FRMD3: variants seen among roughly 807,000 people sequenced by gnomAD.
FRMD3 encodes FERM domain-containing protein 3.
In FRMD3, 33 loss-of-function variants were observed where a neutral mutation model predicts 70.2. The ratio of observed to expected loss-of-function variants is 0.47; its 90% CI spans 0.36 to 0.63. The LOEUF is 0.63. Among genes scored for constraint, FRMD3 ranks in the 20% least tolerant of loss-of-function variants. The pLI is 0.00. For missense variants in FRMD3, 632 were observed against 711.4 expected (o/e 0.89, Z 1.27); for synonymous variants, 279 against 255.9 (o/e 1.09, Z -0.86).
intron 13 of FRMD3, among the ~76,000 whole-genome samples, chr9:83,263,816 A>G (rs1157891213): frequency 6.6e-6 from 1 of 152,224 alleles, no homozygotes; most frequent in Non-Finnish European, 1.5e-5. Context: ...AAAATAGCCA[A>G]ATGCACAAAT....
In FRMD3 at chr9:83,431,164, C is replaced by A. The variant is rs76486272; in HGVS notation, c.148-41456G>T. Among the ~76,000 whole-genome samples, 1,022 of 152,288 alleles carry A rather than the reference C, an allele frequency of 6.7e-3. 14 individuals are homozygous for A. Among genetic ancestry groups the A allele is most frequent in the African/African-American group, 0.023 (937 of 41,558 alleles). ...TACATTTCCAGCTTCTTGGGAATGT[C>A]CAATAGCGTGGATGTTTGAGAACAT... On this transcript the variant is annotated intron_variant, in intron 1 of 13. Coordinates refer to ENST00000304195, the MANE Select transcript of FRMD3 (RefSeq NM_174938.6).
intron 6 of FRMD3, among the ~76,000 whole-genome samples, chr9:83,324,911 C>T (rs1369960894): frequency 1.3e-5 from 2 of 152,174 alleles, no homozygotes; most frequent in Non-Finnish European, 2.9e-5. Flanking sequence ...GGGCTGGTAC[C>T]AACATCATCA....
intron 9 of FRMD3, 123 bp downstream of exon 9, chr9:83,310,362 C>A (rs1373458571): frequency 5.0e-6 from 4 of 793,082 alleles, no homozygotes; most frequent in Non-Finnish European, 6.3e-6. Context: ...ATATAGCTTT[C>A]ATTATCACCA....
intron 13 of FRMD3, among the ~76,000 whole-genome samples, chr9:83,276,813 G>A (rs557800120): frequency 6.6e-6 from 1 of 152,282 alleles, no homozygotes; most frequent in East Asian, 1.9e-4. Flanking sequence ...AGGTTCAAGC[G>A]ATTCTCATGC....
chr9:83,421,800 T>C (rs946784003), intron 1 of FRMD3, among the ~76,000 whole-genome samples: 1 of 152,210 alleles, frequency 6.6e-6, no homozygotes, highest in African/African-American at 2.4e-5. Context: ...CTGTAGGCCT[T>C]ATCTTAAATG....
chr9:83,514,161 C>T (rs1829401658), intron 1 of FRMD3, among the ~76,000 whole-genome samples: 1 of 152,178 alleles, frequency 6.6e-6, no homozygotes, highest in African/African-American at 2.4e-5. Context: ...GCCAATAGGT[C>T]TTGCTCAGCG....
intron 2 of FRMD3, among the ~76,000 whole-genome samples, chr9:83,378,749 ATAATATATAATTTATATT>A (rs1326512462): frequency 0.013 from 1,581 of 124,504 alleles, 49 homozygotes; most frequent in African/African-American, 0.05. Context: ...TATATTATAT[ATAATATATAATTTATATT>A]ATATATAATA....
the FRMD3 span, among the ~76,000 whole-genome samples, chr9:83,544,808 GAAAGCACCAAGAAGC>G: frequency 6.6e-6 from 1 of 152,090 alleles, no homozygotes; most frequent in African/African-American, 2.4e-5. Context: ...TTGGCCCCCT[GAAAGCACCAAGAAGC>G]AAAGCCAAAC....
In FRMD3 at chr9:83,246,910, C is replaced by T; in HGVS notation, c.*1008G>A. The stretch of plus-strand genomic sequence containing the variant: ...CATTCGCCTGTCACCATTTGCCTGC[C>T]AGCCTCACCAGAACTCATTTTTGCC... On this transcript the variant is annotated 3_prime_UTR_variant, in exon 14 of 14. Transcript: ENST00000304195. 1.0e-6 allele frequency: 1 copy of T among 985,404 alleles called. No individual in the cohort carries two copies. Among genetic ancestry groups the T allele is most frequent in the Non-Finnish European group, 1.2e-6 (1 of 829,930 alleles). 61.0% of individuals were successfully genotyped at this position (985,404 alleles called of 1,614,324 possible). A position where few individuals can be genotyped will look rare whatever the true frequency, so the allele number is the denominator to read the frequency against.
At chr9:83,310,961 A>G (rs1449182611) in intron 8 of FRMD3, among the ~76,000 whole-genome samples, 3 of 152,212 alleles carry the variant, frequency 2.0e-5, no homozygotes, top group Non-Finnish European at 4.4e-5. Context: ...ATTTCCAAGA[A>G]GCAAATCCAC....
intron 1 of FRMD3, among the ~76,000 whole-genome samples, chr9:83,517,330 A>T (rs1162546468): frequency 1.3e-5 from 2 of 152,074 alleles, no homozygotes; most frequent in South Asian, 4.1e-4. Flanking sequence ...ACCATCAGAG[A>T]ATACTATAAA....
Position 83,477,946 on chromosome 9 carries a change from C to T in FRMD3, c.147+60139G>A, listed in dbSNP as rs141335705. 4.5e-3 allele frequency among the ~76,000 whole-genome samples: 682 copies of T among 152,278 alleles called. 7 individuals are homozygous for T. The highest frequency in any genetic ancestry group is 0.015 in the African/African-American group (629 of 41,578). Reference sequence around the variant, plus strand: ...TTGGTTTGAAAAAAGGCAGCAGACTCTCACCTCCTTACAGGAGTTCATCCT... The same window carrying T: ...TTGGTTTGAAAAAAGGCAGCAGACTTTCACCTCCTTACAGGAGTTCATCCT... On this transcript the variant is annotated intron_variant, in intron 1 of 13. Transcript: ENST00000304195.
At chr9:83,264,721 T>C (rs1323781) in intron 13 of FRMD3, among the ~76,000 whole-genome samples, 17,122 of 151,496 alleles carry the variant, frequency 0.11, 1,261 homozygotes, top group East Asian at 0.17. Flanking sequence ...GCAGGAATAA[T>C]AAAAGATATA....
intron 1 of FRMD3, among the ~76,000 whole-genome samples, chr9:83,484,777 A>C (rs761624409): frequency 6.6e-6 from 1 of 152,242 alleles, no homozygotes; most frequent in Non-Finnish European, 1.5e-5. Context: ...AGAGTATCAA[A>C]TCTAGCAAAA....
intron 1 of FRMD3, among the ~76,000 whole-genome samples, chr9:83,506,554 C>T (rs1165618156): frequency 6.6e-6 from 1 of 152,114 alleles, no homozygotes; most frequent in African/African-American, 2.4e-5. Flanking sequence ...AAAATGGCTC[C>T]CCTATCTAGG....
chr9:83,348,713 C>T (rs1484039594), intron 4 of FRMD3, among the ~76,000 whole-genome samples: 1 of 152,108 alleles, frequency 6.6e-6, no homozygotes, highest in African/African-American at 2.4e-5. Flanking sequence ...CTATTACCCT[C>T]ATTTCCACAC....
chr9:83,285,454 T>G (rs547632506), intron 13 of FRMD3, among the ~76,000 whole-genome samples: 1 of 152,290 alleles, frequency 6.6e-6, no homozygotes, highest in South Asian at 2.1e-4. Flanking sequence ...GTGTCTCCAT[T>G]GTGCTTTCAT....
chr9:83,349,744 G>A lies in FRMD3; in HGVS notation c.309C>T (p.Tyr103=), dbSNP rs370438717. The A allele has an allele frequency of 2.0e-5, 32 of 1,610,818 alleles. 1 individual carries two copies. The highest frequency in any genetic ancestry group is 1.7e-4 in the Middle Eastern group (1 of 6,056). The change falls in exon 4 of 14, where the codon TAC becomes TAT. Residue 103 remains tyrosine (Y), a synonymous_variant. Coordinates refer to ENST00000304195, the MANE Select transcript of FRMD3 (RefSeq NM_174938.6). ...AGAATTTCACTCTAAAGCACATGGT[G>A]TATGGTGGATGAGCTGAAACATCAT... ...IFKQMKTHPP[Y]TMCFRVKFYP...
chr9:83,316,149 TTTTTTTTTTTTC>T (rs1835560348), intron 6 of FRMD3, among the ~76,000 whole-genome samples: 2 of 95,582 alleles, frequency 2.1e-5, no homozygotes, highest in African/African-American at 9.4e-5. Flanking sequence ...CTTTTTTCTC[TTTTTTTTTTTTC>T]TTTTTTTTTT....
Sources: gnomAD v4.1 joint callset for allele counts (sites outside exome capture counted in the v4.1 genomes callset) on GRCh38, gnomAD v4.1.1 for gene constraint, MANE v1.5 for transcripts, NCBI Gene and HGNC (gene_info 2026-07-23, HGNC 2026-07-21) for gene names.